Variants in HRH1 observed in about 807,000 individuals in gnomAD.
HRH1 encodes histamine receptor H1, also known as histamine H1 receptor.
HRH1 carries 6 observed loss-of-function variants against 10.3 expected under a neutral mutation model. The observed-to-expected ratio is 0.58, with a 90% CI of 0.32 to 1.15. The LOEUF (loss-of-function observed/expected upper bound fraction) is 1.15, where lower values mean the gene tolerates loss of function less well. HRH1 is among the 50% of genes most tolerant of loss of function. The probability of loss-of-function intolerance (pLI) is 0.05; values close to 1 mark genes in which losing one functional copy is unlikely to be tolerated. For missense variants in HRH1, 514 were observed against 615.3 expected, an observed-to-expected ratio of 0.84 and a Z score of 1.74; for synonymous variants, 242 against 236.7, an observed-to-expected ratio of 1.02 and a Z score of -0.21.
intron 1 of HRH1, among the ~76,000 whole-genome samples, chr3:11,200,184 G>A (rs897370356): frequency 6.6e-6 from 1 of 152,206 alleles, no homozygotes; most frequent in Non-Finnish European, 1.5e-5. Context: ...GACAGATGCA[G>A]AGAATGGCAG....
At chr3:11,234,034 C>T (rs1276491319) in intron 1 of HRH1, among the ~76,000 whole-genome samples, 2 of 152,104 alleles carry the variant, frequency 1.3e-5, no homozygotes, top group South Asian at 2.1e-4. Flanking sequence ...TCAAAAGTGG[C>T]GGCCACAGGT....
At chr3:11,206,984 G>A (rs936527538) in intron 1 of HRH1, among the ~76,000 whole-genome samples, 2 of 152,162 alleles carry the variant, frequency 1.3e-5, no homozygotes, top group African/African-American at 2.4e-5. Context: ...GTCAAGGAAG[G>A]AGGGATTACA....
At position 11,260,350 on chromosome 3, in the gene HRH1, T is replaced by C. The variant is rs777628910; in HGVS notation, c.1313T>C (p.Ile438Thr). 6.2e-7 allele frequency: 1 copy of C among 1,614,226 alleles called. No homozygotes were observed. Among genetic ancestry groups the C allele is most frequent in the South Asian group, 1.1e-5 (1 of 91,086 alleles). The change falls in exon 2 of 2, where the codon ATT becomes ACT. Residue 438 changes from isoleucine (I) to threonine (T), a missense_variant. Ile to Thr is a moderately conservative substitution (Grantham distance 89). Transcript: ENST00000431010. Reference protein sequence around the residue: ...WIPYFIFFMVIAFCKNCCNEH... With the variant: ...WIPYFIFFMVTAFCKNCCNEH... Reference sequence around the variant, plus strand: ...CCTTATTTCATCTTCTTCATGGTCATTGCCTTCTGCAAGAACTGTTGCAAT... The same window carrying C: ...CCTTATTTCATCTTCTTCATGGTCACTGCCTTCTGCAAGAACTGTTGCAAT...
chr3:11,189,516 C>A (rs773357439), intron 1 of HRH1, among the ~76,000 whole-genome samples: 1 of 152,176 alleles, frequency 6.6e-6, no homozygotes, highest in Non-Finnish European at 1.5e-5. Flanking sequence ...TTTCGCAATT[C>A]TCTAGGGACC....
rs181183396 is a variant in HRH1 at position 11,218,373 on chromosome 3, G to A, written c.-35-40630G>A. On this transcript the variant is annotated intron_variant, in intron 1 of 1. Coordinates refer to ENST00000431010, the MANE Select transcript of HRH1 (RefSeq NM_001098212.2). The stretch of plus-strand genomic sequence containing the variant: ...TGAGGCAGGAGAATAGCTTGAACCC[G>A]GGAGGCGGAGCTTGCAGTGAGCTGA... 3.7e-3 allele frequency among the ~76,000 whole-genome samples: 561 copies of A among 151,568 alleles called. 2 individuals are homozygous for A. The highest frequency in any genetic ancestry group is 0.013 in the African/African-American group (530 of 41,336).
rs569990483 is a variant in HRH1 at position 11,205,878 on chromosome 3, T to C, written c.-36+51324T>C. On this transcript the variant is annotated intron_variant, in intron 1 of 1. Transcript: ENST00000431010. ...GGTTTCACCATATTGGCCAAGCTGG[T>C]CTTGAACTCCTGACCTCGTGATCCG... 1.8e-3 allele frequency among the ~76,000 whole-genome samples: 280 copies of C among 152,188 alleles called. 1 individual carries two copies. The highest frequency in any genetic ancestry group is 6.4e-3 in the African/African-American group (265 of 41,536).
intron 1 of HRH1, among the ~76,000 whole-genome samples, chr3:11,149,272 GC>G (rs1936544995): frequency 6.6e-6 from 1 of 152,148 alleles, no homozygotes; most frequent in Non-Finnish European, 1.5e-5. Flanking sequence ...ACTGTGTATA[GC>G]TTTTGCTCTT....
At chr3:11,165,179 C>T (rs1204325907) in intron 1 of HRH1, among the ~76,000 whole-genome samples, 1 of 152,198 alleles carries the variant, frequency 6.6e-6, no homozygotes, top group Non-Finnish European at 1.5e-5. Flanking sequence ...AATGGAGATC[C>T]TTGACTCCTT....
intron 1 of HRH1, among the ~76,000 whole-genome samples, chr3:11,189,146 G>C (rs930631669): frequency 6.6e-6 from 1 of 152,182 alleles, no homozygotes; most frequent in East Asian, 1.9e-4. Context: ...CAGTAAGGTT[G>C]AGTGGTCTGT....
At chr3:11,147,205 T>C (rs964942169) in intron 1 of HRH1, among the ~76,000 whole-genome samples, 1 of 152,164 alleles carries the variant, frequency 6.6e-6, no homozygotes, top group African/African-American at 2.4e-5. Context: ...AGGGCAGGGA[T>C]AAGGTCTGAT....
intron 1 of HRH1, among the ~76,000 whole-genome samples, chr3:11,213,431 CT>C (rs1319217339): frequency 6.6e-6 from 1 of 152,206 alleles, no homozygotes; most frequent in Non-Finnish European, 1.5e-5. Context: ...TAATACAAGT[CT>C]GTTTGTAAGC....
intron 1 of HRH1, among the ~76,000 whole-genome samples, chr3:11,164,235 C>T (rs547986227): frequency 6.6e-5 from 10 of 152,138 alleles, no homozygotes; most frequent in African/African-American, 1.2e-4. Flanking sequence ...CCTTAGAGAG[C>T]GACAGGGAGG....
At chr3:11,185,793 G>A (rs1329124171) in intron 1 of HRH1, among the ~76,000 whole-genome samples, 8 of 152,206 alleles carry the variant, frequency 5.3e-5, no homozygotes, top group African/African-American at 1.9e-4. Flanking sequence ...CACATGTGTG[G>A]AGGAGGTGGG....
upstream of HRH1, among the ~76,000 whole-genome samples, chr3:11,150,818 C>T (rs1033116032): frequency 3.9e-5 from 6 of 152,224 alleles, no homozygotes; most frequent in East Asian, 7.7e-4. Context: ...TGGTTAGCCA[C>T]GATTCCTGTT....
At chr3:11,242,177 C>T (rs776913584) in intron 1 of HRH1, among the ~76,000 whole-genome samples, 1 of 151,956 alleles carries the variant, frequency 6.6e-6, no homozygotes. Context: ...GGGTCCTTGC[C>T]ATCTTTAAGA....
In HRH1 at chr3:11,259,287, A is replaced by T; in HGVS notation, c.250A>T (p.Asn84Tyr). The change falls in exon 2 of 2, where the codon AAC (asparagine) becomes TAC (tyrosine). Residue 84 changes from asparagine to tyrosine, a missense_variant. Coordinates refer to ENST00000431010, the MANE Select transcript of HRH1 (RefSeq NM_001098212.2). The surrounding 1 kb of genome is among the most constrained non-coding windows in gnomAD (Gnocchi z 4.6). The part of the protein sequence containing the change: ...LIVGAVVMPM[N>Y]ILYLLMSKWS... ...CGTGGGTGCCGTCGTCATGCCTATG[A>T]ACATCCTCTACCTGCTCATGTCCAA... 6.2e-7 allele frequency: 1 copy of T among 1,612,878 alleles called. No individual in the cohort carries two copies. The highest frequency in any genetic ancestry group is 8.5e-7 in the Non-Finnish European group (1 of 1,179,764).
At chr3:11,158,657 T>C (rs1936866384) in intron 1 of HRH1, among the ~76,000 whole-genome samples, 1 of 152,250 alleles carries the variant, frequency 6.6e-6, no homozygotes. Context: ...TCTTTTGTTA[T>C]ATATATTTCT....
At chr3:11,253,321 A>T (rs1939700201) in intron 1 of HRH1, 1 of 152,206 alleles carries the variant, frequency 6.6e-6, no homozygotes, top group South Asian at 2.1e-4. Context: ...TCTTCTTCAA[A>T]AGCTGTAAGT....
chr3:11,205,705 A>C (rs1938096370), intron 1 of HRH1, among the ~76,000 whole-genome samples: 1 of 146,982 alleles, frequency 6.8e-6, no homozygotes, highest in Non-Finnish European at 1.5e-5. Context: ...TCTGTTGCCC[A>C]GGCTGGAGTG....
Sources: gnomAD v4.1 joint callset for allele counts (sites outside exome capture counted in the v4.1 genomes callset) on GRCh38, gnomAD v4.1.1 for gene constraint, Gnocchi (gnomAD v3.1) non-coding constraint, MANE v1.5 for transcripts, NCBI Gene and HGNC (gene_info 2026-07-23, HGNC 2026-07-21) for gene names.